EFEMP1: variants seen among roughly 807,000 people sequenced by gnomAD.
EFEMP1 encodes the protein EGF-like fibulin extracellular matrix protein 1, also known as EGF-containing fibulin-like extracellular matrix protein 1.
In EFEMP1, 18 loss-of-function variants were observed where a neutral mutation model predicts 65.7. The ratio of observed to expected loss-of-function variants is 0.27; its 90% CI spans 0.19 to 0.41. EFEMP1 has a LOEUF of 0.41. Among genes scored for constraint, EFEMP1 ranks in the 10% least tolerant of loss-of-function variants. The probability of loss-of-function intolerance (pLI) is 1.00; values close to 1 mark genes in which losing one functional copy is unlikely to be tolerated. For synonymous variants in EFEMP1, 237 were observed against 219.7 expected (o/e 1.08, Z -0.70); for missense variants, 469 against 624.8 (o/e 0.75, Z 2.66).
intron 6 of EFEMP1, among the ~76,000 whole-genome samples, chr2:55,878,300 T>C (rs933781966): frequency 3.9e-5 from 6 of 152,146 alleles, no homozygotes; most frequent in Non-Finnish European, 7.3e-5. Context: ...CTTCAGTATC[T>C]TGGTTTTTCT....
intron 6 of EFEMP1, among the ~76,000 whole-genome samples, chr2:55,880,213 T>G (rs1669189893): frequency 6.6e-6 from 1 of 152,138 alleles, no homozygotes; most frequent in Non-Finnish European, 1.5e-5. Flanking sequence ...TCGAGGAATG[T>G]AGACTTGATT....
intron 11 of EFEMP1, among the ~76,000 whole-genome samples, chr2:55,868,376 G>C (rs1668668310): frequency 6.6e-6 from 1 of 152,152 alleles, no homozygotes; most frequent in Non-Finnish European, 1.5e-5. Context: ...GGATGACACA[G>C]TTCAGTGAAT....
rs1311200550 is a variant in EFEMP1 at position 55,867,596 on chromosome 2, T to C, written c.1321-362A>G. On this transcript the variant is annotated intron_variant, in intron 11 of 11. Coordinates refer to ENST00000355426, the MANE Select transcript of EFEMP1 (RefSeq NM_001039348.3). This position sits in a 1 kb window ranked among gnomAD's most constrained non-coding sequence, Gnocchi z 4.3. Reference sequence around the variant, plus strand: ...AAACTTGTAAACAAAGTTGTCACTTTTCATTTTCTCAACATTGTGCATCTG... The same window carrying C: ...AAACTTGTAAACAAAGTTGTCACTTCTCATTTTCTCAACATTGTGCATCTG... Among the ~76,000 whole-genome samples the C allele has an allele frequency of 6.6e-6, 1 of 152,184 alleles. No homozygotes were observed. Among genetic ancestry groups the C allele is most frequent in the Non-Finnish European group, 1.5e-5 (1 of 68,036 alleles).
chr2:55,875,689 G>A (rs1034526198), intron 8 of EFEMP1, among the ~76,000 whole-genome samples: 1 of 152,074 alleles, frequency 6.6e-6, no homozygotes, highest in African/African-American at 2.4e-5. Context: ...GTTCATGTTT[G>A]TCTTCTCAGA....
rs11125608 is a variant in EFEMP1 at position 55,867,969 on chromosome 2, T to G, written c.1321-735A>C. On this transcript the variant is annotated intron_variant, in intron 11 of 11. Transcript: ENST00000355426. This position sits in a 1 kb window ranked among gnomAD's most constrained non-coding sequence, Gnocchi z 4.3. ...GCCAAGGGATAGAGTCATGGATTAGTATTTAGCAGTCACCTCAATGGGTGG... is the reference window on the plus strand; with the variant it reads ...GCCAAGGGATAGAGTCATGGATTAGGATTTAGCAGTCACCTCAATGGGTGG... Among the ~76,000 whole-genome samples the G allele has an allele frequency of 0.47, 71,328 of 151,900 alleles. 17,888 individuals carry two copies. The highest frequency in any genetic ancestry group is 0.89 in the East Asian group (4,609 of 5,154).
intron 5 of EFEMP1, among the ~76,000 whole-genome samples, chr2:55,901,224 A>G (rs1670019369): frequency 6.6e-6 from 1 of 152,236 alleles, no homozygotes; most frequent in East Asian, 1.9e-4. Flanking sequence ...ACAAAAGGTA[A>G]CATAAAGCAA....
rs1011870127 is a variant in EFEMP1 at position 55,866,564 on chromosome 2, C to T, written c.*509G>A. The stretch of plus-strand genomic sequence containing the variant: ...TATATAATAAACAACCACCTTTAGG[C>T]TGGATATGAAAATAAAAACCAACAC... On this transcript the variant is annotated 3_prime_UTR_variant, in exon 12 of 12. Coordinates refer to ENST00000355426, the MANE Select transcript of EFEMP1 (RefSeq NM_001039348.3). 1.3e-5 allele frequency: 2 copies of T among 156,040 alleles called. No individual in the cohort carries two copies. Among genetic ancestry groups the T allele is most frequent in the African/African-American group, 2.4e-5 (1 of 41,464 alleles). 9.7% of individuals were successfully genotyped at this position (156,040 alleles called of 1,614,324 possible).
At chr2:55,882,198 T>G (rs1669267093) in intron 5 of EFEMP1, among the ~76,000 whole-genome samples, 1 of 152,226 alleles carries the variant, frequency 6.6e-6, no homozygotes. Context: ...TATATTGTAT[T>G]TGAGATAATT....
intron 5 of EFEMP1, among the ~76,000 whole-genome samples, chr2:55,895,862 A>G (rs1220962095): frequency 2.0e-5 from 3 of 152,178 alleles, no homozygotes; most frequent in Non-Finnish European, 2.9e-5. Flanking sequence ...TTTAAGAAAG[A>G]GAATTGCAGC....
rs1205677340 is a variant in EFEMP1, at chr2:55,921,921, T to C, written c.81+439A>G. 1.0e-5 allele frequency: 2 copies of C among 198,158 alleles called. No individual in the cohort carries two copies. The highest frequency in any genetic ancestry group is 4.6e-5 in the African/African-American group (2 of 43,028). The allele number at this position is 198,158 out of a possible 1,614,324, so 12.3% of individuals were successfully genotyped here. A position where few individuals can be genotyped will look rare whatever the true frequency, so the allele number is the denominator to read the frequency against. Reference sequence around the variant, plus strand: ...TAAAGGCCACTTACTTGAGAATGCATGTCATGTACACAAAGAAGGCCATGT... The same window carrying C: ...TAAAGGCCACTTACTTGAGAATGCACGTCATGTACACAAAGAAGGCCATGT... On this transcript the variant is annotated intron_variant, in intron 3 of 11. Coordinates refer to ENST00000355426, the MANE Select transcript of EFEMP1 (RefSeq NM_001039348.3). The surrounding 1 kb of genome is among the most constrained non-coding windows in gnomAD (Gnocchi z 4.1).
At position 55,877,669 on chromosome 2, in the gene EFEMP1, A is replaced by G; in HGVS notation, c.760+77T>C. The G allele has an allele frequency of 1.2e-6, 2 of 1,602,504 alleles. No individual in the cohort carries two copies. The highest frequency in any genetic ancestry group is 1.7e-6 in the Non-Finnish European group (2 of 1,171,356). ...GGAAACTATTTACTCAAGAACATAG[A>G]AAACTGGAAATACTGCAACATGGCA... On this transcript the variant is annotated intron_variant, in intron 7 of 11. Transcript: ENST00000355426. This position sits in a 1 kb window ranked among gnomAD's most constrained non-coding sequence, Gnocchi z 4.5.
chr2:55,910,876 A>T (rs556139612), intron 5 of EFEMP1, among the ~76,000 whole-genome samples: 2 of 152,284 alleles, frequency 1.3e-5, no homozygotes, highest in South Asian at 4.1e-4. Context: ...TGACTGAAGG[A>T]TACTTTACAG....
intron 5 of EFEMP1, among the ~76,000 whole-genome samples, chr2:55,916,904 T>C (rs1246368673): frequency 6.6e-6 from 1 of 152,234 alleles, no homozygotes; most frequent in African/African-American, 2.4e-5. Context: ...CAGCTGTTTC[T>C]AGAATACACA....
intron 5 of EFEMP1, among the ~76,000 whole-genome samples, chr2:55,911,468 T>C (rs1670480642): frequency 6.6e-6 from 1 of 151,942 alleles, no homozygotes; most frequent in African/African-American, 2.4e-5. Context: ...TATATAGTTA[T>C]ATGTTATATA....
intron 5 of EFEMP1, among the ~76,000 whole-genome samples, chr2:55,894,243 G>T (rs1324696712): frequency 6.6e-6 from 1 of 152,086 alleles, no homozygotes; most frequent in Non-Finnish European, 1.5e-5. Context: ...CTATGAAAAA[G>T]ATATGAAAAA....
intron 6 of EFEMP1, among the ~76,000 whole-genome samples, chr2:55,878,201 AACT>A (rs1254658210): frequency 6.6e-6 from 1 of 152,214 alleles, no homozygotes; most frequent in Non-Finnish European, 1.5e-5. Flanking sequence ...AGTAAAAAAG[AACT>A]ACTGAAGTGC....
Position 55,870,958 on chromosome 2 carries a change from G to C in EFEMP1, c.1124+42C>G. The C allele has an allele frequency of 1.2e-6, 2 of 1,613,696 alleles. No individual in the cohort carries two copies. The highest frequency in any genetic ancestry group is 1.7e-6 in the Non-Finnish European group (2 of 1,179,780). On this transcript the variant is annotated intron_variant, in intron 10 of 11. Coordinates refer to ENST00000355426, the MANE Select transcript of EFEMP1 (RefSeq NM_001039348.3). This position sits in a 1 kb window ranked among gnomAD's most constrained non-coding sequence, Gnocchi z 5.8. ...AGTATTCAGCAGTTTGGCTTGGTAA[G>C]ACCAGAAAATCCTCACTTTCAAAAG... is the stretch of plus-strand genomic sequence containing the variant.
At position 55,883,083 on chromosome 2, in the gene EFEMP1, G is replaced by T. The variant is rs1321067438; in HGVS notation, c.518-1349C>A. Among the ~76,000 whole-genome samples the T allele has an allele frequency of 6.6e-6, 1 of 152,094 alleles. No individual in the cohort carries two copies. The highest frequency in any genetic ancestry group is 1.9e-4 in the East Asian group (1 of 5,178). ...CCTCAGAAATCAGCTTCACTTAGCT[G>T]GGTGTGGAAATGATAAGAGAGATTC... On this transcript the variant is annotated intron_variant, in intron 5 of 11. Transcript: ENST00000355426. This position sits in a 1 kb window ranked among gnomAD's most constrained non-coding sequence, Gnocchi z 4.5.
At chr2:55,876,235 G>A (rs1025899863) in intron 8 of EFEMP1, among the ~76,000 whole-genome samples, 1 of 151,942 alleles carries the variant, frequency 6.6e-6, no homozygotes, top group South Asian at 2.1e-4. Context: ...ACTTAAATGT[G>A]CACACCAGTC....
Sources: gnomAD v4.1 joint callset for allele counts (sites outside exome capture counted in the v4.1 genomes callset) on GRCh38, gnomAD v4.1.1 for gene constraint, Gnocchi (gnomAD v3.1) non-coding constraint, MANE v1.5 for transcripts, NCBI Gene and HGNC (gene_info 2026-07-23, HGNC 2026-07-21) for gene names.